NPIPB2: variants seen among roughly 807,000 people sequenced by gnomAD.
The protein encoded by NPIPB2 is nuclear pore complex-interacting protein family member B2.
Under a neutral mutation model 30.8 loss-of-function variants are expected in NPIPB2, and 27 were observed. The observed-to-expected ratio is 0.88, with a 90% CI of 0.65 to 1.21. The LOEUF is 1.21. Ranked by LOEUF, NPIPB2 falls within the 50% of genes most tolerant of loss-of-function variation. NPIPB2 has a pLI of 0.00. For synonymous variants in NPIPB2, 147 were observed against 162.0 expected, an observed-to-expected ratio of 0.91 and a Z score of 0.70; for missense variants, 440 against 446.2, an observed-to-expected ratio of 0.99 and a Z score of 0.13.
At position 11,937,514 on chromosome 16, in the gene NPIPB2, C is replaced by G. The variant is rs760410793; in HGVS notation, c.192+26G>C. The G allele has an allele frequency of 1.8e-5, 23 of 1,311,080 alleles. No individual in the cohort carries two copies. In the African/African-American group the frequency reaches 2.9e-4, roughly 16 times the overall value. 81.2% of individuals were successfully genotyped at this position (1,311,080 alleles called of 1,614,324 possible). ...ATTCTTATTTGTGATTACAAGTATA[C>G]CTCTACAGAAAGTTAGTACACTCAC... On this transcript the variant is annotated intron_variant, in intron 2 of 7. Transcript: ENST00000399147.
chr16:11,968,087 C>T (rs538218989), intron 1 of NPIPB2: 6 of 449,018 alleles, frequency 1.3e-5, no homozygotes, highest in South Asian at 5.9e-5. Flanking sequence ...TTTTTATTAA[C>T]GTGAGTTTTT....
At chr16:11,974,703 G>A (rs1057249292) in intron 1 of NPIPB2, among the ~76,000 whole-genome samples, 2 of 152,054 alleles carry the variant, frequency 1.3e-5, no homozygotes, top group Non-Finnish European at 2.9e-5. Flanking sequence ...TTCACTCGGG[G>A]TGTGGGCAAA....
intron 1 of NPIPB2, among the ~76,000 whole-genome samples, chr16:11,952,185 A>AAC (rs1567474078): frequency 6.7e-6 from 1 of 148,518 alleles, no homozygotes; most frequent in African/African-American, 2.5e-5. Context: ...CAAAAAAAAA[A>AAC]ACAAAGAAAA....
chr16:11,962,592 AC>A (rs1450605871), intron 1 of NPIPB2, among the ~76,000 whole-genome samples: 1 of 148,346 alleles, frequency 6.7e-6, no homozygotes, highest in African/African-American at 2.5e-5. Flanking sequence ...AGCCTGGGTG[AC>A]AGAGCAAGAT....
At chr16:11,937,553 G>A (rs1317298115) in exon 2 of NPIPB2, 2 of 1,597,306 alleles carry the variant, frequency 1.3e-6, no homozygotes, top group Non-Finnish European at 1.7e-6. Context: ...AAGGTAAACT[G>A]TCCAGAGGGT....
At chr16:11,967,809 A>C in intron 1 of NPIPB2, 1 of 1,614,216 alleles carries the variant, frequency 6.2e-7, no homozygotes, top group South Asian at 1.1e-5. Context: ...AGCTGCTTTG[A>C]GTGCTACGGA....
chr16:11,966,488 G>T (rs2055195291), intron 1 of NPIPB2: 1 of 804,324 alleles, frequency 1.2e-6, no homozygotes, highest in Non-Finnish European at 1.9e-6. Context: ...AATGAACTTG[G>T]TAGAGGTGAG....
intron 1 of NPIPB2, among the ~76,000 whole-genome samples, chr16:11,948,721 C>G (rs1040680182): frequency 2.7e-5 from 4 of 146,926 alleles, no homozygotes; most frequent in African/African-American, 1.0e-4. Flanking sequence ...GAGCCGAGAT[C>G]CCGCCACTGC....
At chr16:11,974,546 G>T (rs955853213) in intron 1 of NPIPB2, among the ~76,000 whole-genome samples, 2 of 151,732 alleles carry the variant, frequency 1.3e-5, no homozygotes, top group Non-Finnish European at 2.9e-5. Flanking sequence ...TAACAAAGAC[G>T]TATTATGGAT....
chr16:11,937,209 G>A (rs990438534), intron 2 of NPIPB2, among the ~76,000 whole-genome samples: 2 of 152,088 alleles, frequency 1.3e-5, no homozygotes, highest in African/African-American at 2.4e-5. Flanking sequence ...CCACCCATAC[G>A]ATAGAACTAT....
chr16:11,955,304 A>G (rs1464762502), intron 1 of NPIPB2, among the ~76,000 whole-genome samples: 2 of 148,020 alleles, frequency 1.4e-5, no homozygotes, highest in Admixed American at 6.9e-5. Context: ...CAGTGAACCA[A>G]GATGGTACCA....
At chr16:11,975,275 G>A (rs1022372007) in intron 1 of NPIPB2, among the ~76,000 whole-genome samples, 2 of 126,122 alleles carry the variant, frequency 1.6e-5, no homozygotes, top group African/African-American at 5.9e-5. Flanking sequence ...AGCCTCCCAA[G>A]TAGCTGGGAC....
upstream of NPIPB2, among the ~76,000 whole-genome samples, chr16:11,944,170 A>ATTT (rs767446739): frequency 7.3e-6 from 1 of 137,750 alleles, no homozygotes; most frequent in Non-Finnish European, 1.6e-5. Context: ...GATAAACTGG[A>ATTT]TTTTTTTTTT....
exon 8 of NPIPB2, chr16:11,927,469 G>A: frequency 8.3e-7 from 1 of 1,202,182 alleles, no homozygotes; most frequent in Non-Finnish European, 1.1e-6. Context: ...TCCGCCTCTT[G>A]GGTTCGGGTG....
chr16:11,960,120 C>A (rs181196764), intron 1 of NPIPB2, among the ~76,000 whole-genome samples: 8 of 152,080 alleles, frequency 5.3e-5, no homozygotes, highest in African/African-American at 1.7e-4. Context: ...CATATGAGAC[C>A]ACATCTGTCT....
At chr16:11,974,297 C>A (rs2055253935) in intron 1 of NPIPB2, among the ~76,000 whole-genome samples, 1 of 152,126 alleles carries the variant, frequency 6.6e-6, no homozygotes, top group African/African-American at 2.4e-5. Context: ...GAGGGTGGAT[C>A]ACCTGAGGTC....
chr16:11,958,998 T>C (rs1455697004), intron 1 of NPIPB2, among the ~76,000 whole-genome samples: 1 of 152,140 alleles, frequency 6.6e-6, no homozygotes, highest in African/African-American at 2.4e-5. Flanking sequence ...GGGGAGCTCG[T>C]AGAGGGGTTT....
upstream of NPIPB2, among the ~76,000 whole-genome samples, chr16:11,944,640 G>C (rs1421115812): frequency 7.1e-6 from 1 of 140,862 alleles, no homozygotes; most frequent in Non-Finnish European, 1.5e-5. Context: ...GTGCGCACCT[G>C]TAATCCCAGC....
At chr16:11,958,680 G>T (rs1340188178) in intron 1 of NPIPB2, among the ~76,000 whole-genome samples, 1 of 152,170 alleles carries the variant, frequency 6.6e-6, no homozygotes, top group Non-Finnish European at 1.5e-5. Flanking sequence ...GGTTGAGGCT[G>T]CAGTGAGCTT....
Sources: gnomAD v4.1 joint callset for allele counts (sites outside exome capture counted in the v4.1 genomes callset) on GRCh38, gnomAD v4.1.1 for gene constraint, MANE v1.5 for transcripts, NCBI Gene and HGNC (gene_info 2026-07-23, HGNC 2026-07-21) for gene names.